Variants in DENND1A observed in about 807,000 individuals in gnomAD.
DENND1A encodes DENN domain containing 1A.
Under a neutral mutation model 113.7 loss-of-function variants are expected in DENND1A, and 51 were observed. The ratio of observed to expected loss-of-function variants is 0.45; its 90% confidence interval spans 0.36 to 0.57. DENND1A has a LOEUF of 0.57. DENND1A is among the 20% of genes least tolerant of loss of function. The pLI is 0.00. For missense variants in DENND1A, 1,258 were observed against 1,395.9 expected (o/e 0.90, Z 1.57); for synonymous variants, 565 against 570.8 (o/e 0.99, Z 0.14).
chr9:123,511,483 T>G (rs2053458257), intron 13 of DENND1A, among the ~76,000 whole-genome samples: 1 of 152,250 alleles, frequency 6.6e-6, no homozygotes, highest in Non-Finnish European at 1.5e-5. Flanking sequence ...TCAGAATCCC[T>G]GTCTCATCCC....
At chr9:123,617,177 C>T (rs888428792) in intron 10 of DENND1A, among the ~76,000 whole-genome samples, 8 of 152,182 alleles carry the variant, frequency 5.3e-5, no homozygotes, top group African/African-American at 1.9e-4. Flanking sequence ...AATGTCTTTC[C>T]TGGTTTCCAA....
intron 1 of DENND1A, among the ~76,000 whole-genome samples, chr9:123,891,413 A>C (rs1326970688): frequency 1.3e-5 from 2 of 152,218 alleles, no homozygotes; most frequent in African/African-American, 4.8e-5. Context: ...TCTACCACTG[A>C]AGACTGATTC....
chr9:123,581,250 C>A (rs1027783218), intron 12 of DENND1A, among the ~76,000 whole-genome samples: 4 of 152,158 alleles, frequency 2.6e-5, no homozygotes, highest in African/African-American at 9.7e-5. Context: ...CAGTGAATGG[C>A]AGCCATTGTT....
intron 3 of DENND1A, among the ~76,000 whole-genome samples, chr9:123,777,705 TA>T (rs1830666328): frequency 6.6e-6 from 1 of 152,210 alleles, no homozygotes; most frequent in Non-Finnish European, 1.5e-5. Flanking sequence ...TTAGCTCTTG[TA>T]TGAGAATAAT....
chr9:123,591,606 C>T (rs2059458508), intron 11 of DENND1A, among the ~76,000 whole-genome samples: 1 of 152,208 alleles, frequency 6.6e-6, no homozygotes, highest in Admixed American at 6.5e-5. Context: ...TGTCCTCAGA[C>T]CAGGACCATC....
chr9:123,666,943 T>A (rs1375390228), intron 8 of DENND1A, 83 bp downstream of exon 8: 29 of 1,291,430 alleles, frequency 2.2e-5, no homozygotes, highest in Non-Finnish European at 2.4e-5. Context: ...TACTTTTAAA[T>A]CACATCCTTT....
At chr9:123,421,952 A>G (rs537401966) in intron 19 of DENND1A, among the ~76,000 whole-genome samples, 1 of 151,856 alleles carries the variant, frequency 6.6e-6, no homozygotes, top group African/African-American at 2.4e-5. Context: ...ATGGCCCTTC[A>G]CAACACACAT....
At chr9:123,654,849 G>C (rs1411437028) in intron 8 of DENND1A, among the ~76,000 whole-genome samples, 1 of 152,176 alleles carries the variant, frequency 6.6e-6, no homozygotes, top group African/African-American at 2.4e-5. Flanking sequence ...ACAGCCCTGG[G>C]AACCTCGCTC....
intron 1 of DENND1A, among the ~76,000 whole-genome samples, chr9:123,904,378 G>A (rs1852356393): frequency 6.6e-6 from 1 of 151,906 alleles, no homozygotes; most frequent in South Asian, 2.1e-4. Flanking sequence ...GAATGACTTT[G>A]ACAAGCTGAG....
intron 11 of DENND1A, among the ~76,000 whole-genome samples, chr9:123,585,167 C>A (rs1483012047): frequency 6.6e-6 from 1 of 152,190 alleles, no homozygotes; most frequent in Non-Finnish European, 1.5e-5. Flanking sequence ...CTTCTGCTAT[C>A]CACTAACTTC....
intron 12 of DENND1A, among the ~76,000 whole-genome samples, chr9:123,574,152 T>A (rs996952832): frequency 6.6e-6 from 1 of 150,810 alleles, no homozygotes; most frequent in African/African-American, 2.4e-5. Context: ...GATTTTTGCA[T>A]CTATATTGGT....
chr9:123,540,688 T>G (rs1326543140), intron 13 of DENND1A, among the ~76,000 whole-genome samples: 2 of 152,182 alleles, frequency 1.3e-5, no homozygotes, highest in African/African-American at 4.8e-5. Flanking sequence ...AATGTGTCTG[T>G]GAAACCAGAG....
chr9:123,423,779 T>A (rs1361403158), intron 19 of DENND1A, among the ~76,000 whole-genome samples: 2 of 152,176 alleles, frequency 1.3e-5, no homozygotes, highest in African/African-American at 4.8e-5. Context: ...ATTTATGGGG[T>A]CCTTGGCATA....
At chr9:123,621,278 C>T (rs184379609) in intron 10 of DENND1A, among the ~76,000 whole-genome samples, 37 of 152,046 alleles carry the variant, frequency 2.4e-4, no homozygotes, top group Admixed American at 1.9e-3. Flanking sequence ...CATCACCCCC[C>T]AGGTTCAAGC....
intron 1 of DENND1A, among the ~76,000 whole-genome samples, chr9:123,925,652 G>C (rs1025486366): frequency 1.3e-5 from 2 of 152,090 alleles, no homozygotes; most frequent in African/African-American, 4.8e-5. Context: ...GATAATAATG[G>C]CTAACATTTA....
At chr9:123,780,136 G>C (rs1472103830) in intron 3 of DENND1A, among the ~76,000 whole-genome samples, 1 of 152,280 alleles carries the variant, frequency 6.6e-6, no homozygotes, top group East Asian at 1.9e-4. Flanking sequence ...TTACAGGCGT[G>C]AGCCACCATG....
intron 19 of DENND1A, chr9:123,413,204 G>T: frequency 5.2e-6 from 1 of 190,824 alleles, no homozygotes; most frequent in Non-Finnish European, 9.7e-6. Context: ...AAAAACACGT[G>T]CTATAAGTGC....
intron 1 of DENND1A, among the ~76,000 whole-genome samples, chr9:123,899,216 C>T (rs1851225342): frequency 6.6e-6 from 1 of 152,154 alleles, no homozygotes; most frequent in African/African-American, 2.4e-5. Context: ...CTGTCTACTG[C>T]ATCTCTCTCC....
At chr9:123,628,141 T>C (rs1048818640) in intron 10 of DENND1A, among the ~76,000 whole-genome samples, 2 of 151,148 alleles carry the variant, frequency 1.3e-5, no homozygotes, top group Non-Finnish European at 2.9e-5. Context: ...TCTGAGGGAG[T>C]AAATTAATCT....
Sources: gnomAD v4.1 joint callset for allele counts (sites outside exome capture counted in the v4.1 genomes callset) on GRCh38, gnomAD v4.1.1 for gene constraint, MANE v1.5 for transcripts, NCBI Gene and HGNC (gene_info 2026-07-23, HGNC 2026-07-21) for gene names.